ZDHHC21: variants seen among roughly 807,000 people sequenced by gnomAD.
ZDHHC21 encodes palmitoyltransferase ZDHHC21.
A neutral mutation model predicts 34.6 loss-of-function variants in ZDHHC21; 15 were observed. That is an observed-to-expected ratio of 0.43 (90% confidence interval 0.29 to 0.67). The LOEUF (loss-of-function observed/expected upper bound fraction) is 0.67, where lower values mean the gene tolerates loss of function less well. ZDHHC21 is among the 30% of genes least tolerant of loss of function. The pLI, the probability that ZDHHC21 is intolerant of heterozygous loss-of-function variation, is 0.14. For missense variants in ZDHHC21, 344 were observed against 327.7 expected, an observed-to-expected ratio of 1.05 and a Z score of -0.38; for synonymous variants, 142 against 101.8, an observed-to-expected ratio of 1.40 and a Z score of -2.38.
intron 5 of ZDHHC21, among the ~76,000 whole-genome samples, chr9:14,666,650 T>C (rs1834500503): frequency 9.2e-6 from 1 of 108,884 alleles, no homozygotes; most frequent in Admixed American, 9.0e-5. Flanking sequence ...ACAAACTGTC[T>C]CTCAGACCAC....
intron 6 of ZDHHC21, among the ~76,000 whole-genome samples, chr9:14,659,142 A>G (rs1230949773): frequency 2.0e-5 from 3 of 152,188 alleles, no homozygotes; most frequent in Non-Finnish European, 4.4e-5. Context: ...CGAGACAGGA[A>G]GAGCAGACGG....
At chr9:14,681,202 G>A (rs947181824) in intron 2 of ZDHHC21, among the ~76,000 whole-genome samples, 7 of 152,040 alleles carry the variant, frequency 4.6e-5, no homozygotes, top group South Asian at 2.1e-4. Flanking sequence ...CATATGACAC[G>A]TGATGATATT....
At chr9:14,659,973 T>A (rs13297952) in intron 6 of ZDHHC21, among the ~76,000 whole-genome samples, 64,462 of 151,620 alleles carry the variant, frequency 0.43, 13,809 homozygotes, top group African/African-American at 0.47. Context: ...TGAGAAACAA[T>A]GTCTATGATC....
chr9:14,614,649 T>C lies in ZDHHC21; in HGVS notation c.*4317A>G, dbSNP rs1212692336. On this transcript the variant is annotated 3_prime_UTR_variant, in exon 10 of 10. Coordinates refer to ENST00000380916, the MANE Select transcript of ZDHHC21 (RefSeq NM_178566.6). ...GATTTATAATAAATTCAGAGGATGA[T>C]TTCTAGAATAAAAGTTAACAAACTT... is the stretch of plus-strand genomic sequence containing the variant. 6.6e-6 allele frequency: 1 copy of C among 151,762 alleles called. No homozygotes were observed. The highest frequency in any genetic ancestry group is 1.9e-4 in the East Asian group (1 of 5,190). 9.4% of individuals were successfully genotyped at this position (151,762 alleles called of 1,614,324 possible).
chr9:14,602,963 T>C, the ZDHHC21 span, among the ~76,000 whole-genome samples: 2 of 144,862 alleles, frequency 1.4e-5, no homozygotes, highest in Non-Finnish European at 3.0e-5. Flanking sequence ...AAAGGGAGAA[T>C]TTCATTCATG....
At position 14,693,420 on chromosome 9, in the gene ZDHHC21, G is replaced by A. The variant is rs1238807175; in HGVS notation, c.-416C>T. The A allele has an allele frequency of 3.5e-6, 1 of 282,838 alleles. No individual in the cohort carries two copies. The highest frequency in any genetic ancestry group is 2.4e-5 in the African/African-American group (1 of 42,270). 17.5% of individuals were successfully genotyped at this position (282,838 alleles called of 1,614,324 possible). ...GTCCGCATGCCCGCGCGCCCGCGTG[G>A]GGAGGGACGACTGCCGCCGTCGCCG... On this transcript the variant is annotated 5_prime_UTR_variant, in exon 1 of 10. Transcript: ENST00000380916.
At chr9:14,631,034 A>G (rs1827252149) in intron 8 of ZDHHC21, among the ~76,000 whole-genome samples, 1 of 152,218 alleles carries the variant, frequency 6.6e-6, no homozygotes, top group Non-Finnish European at 1.5e-5. Context: ...AACCGTAACA[A>G]GAGAGTCAGT....
rs868555987 is a variant in ZDHHC21, at chr9:14,668,743, C to A, written c.253+4087G>T. Among the ~76,000 whole-genome samples, 424 of 131,818 alleles carry A rather than the reference C, an allele frequency of 3.2e-3. 1 individual carries two copies. The highest frequency in any genetic ancestry group is 0.011 in the African/African-American group (405 of 35,352). 86.5% of individuals were successfully genotyped at this position (131,818 alleles called of 152,430 possible). Reference sequence around the variant, plus strand: ...CTTTGACAAACCTGAGAAAAACAAGCAATGGGGAAAGGATTCCCTATTTAA... The same window carrying A: ...CTTTGACAAACCTGAGAAAAACAAGAAATGGGGAAAGGATTCCCTATTTAA... On this transcript the variant is annotated intron_variant, in intron 5 of 9. Transcript: ENST00000380916.
At chr9:14,686,513 CATTT>C (rs1230661967) in intron 2 of ZDHHC21, among the ~76,000 whole-genome samples, 1 of 152,176 alleles carries the variant, frequency 6.6e-6, no homozygotes, top group Admixed American at 6.5e-5. Flanking sequence ...TCCCTTTATA[CATTT>C]GTGGGGGGCA....
At chr9:14,630,617 G>C (rs753147605) in intron 8 of ZDHHC21, among the ~76,000 whole-genome samples, 1 of 152,154 alleles carries the variant, frequency 6.6e-6, no homozygotes, top group Non-Finnish European at 1.5e-5. Flanking sequence ...TCCATCAGAG[G>C]AATCACTGTC....
intron 2 of ZDHHC21, among the ~76,000 whole-genome samples, chr9:14,687,220 C>G (rs188600991): frequency 6.6e-6 from 1 of 150,632 alleles, no homozygotes; most frequent in Non-Finnish European, 1.5e-5. Flanking sequence ...GAGTCAAATC[C>G]CAGTCACTTG....
intron 8 of ZDHHC21, among the ~76,000 whole-genome samples, chr9:14,632,511 G>C (rs999428474): frequency 6.6e-6 from 1 of 151,292 alleles, no homozygotes; most frequent in African/African-American, 2.4e-5. Flanking sequence ...GAAAATATAG[G>C]AGTGAATTTT....
intron 2 of ZDHHC21, among the ~76,000 whole-genome samples, chr9:14,686,120 G>A: frequency 6.6e-6 from 1 of 151,878 alleles, no homozygotes; most frequent in Middle Eastern, 3.2e-3. Context: ...GAGTTAATGG[G>A]TGCAGCAAAT....
At chr9:14,671,414 C>G (rs1045455099) in intron 5 of ZDHHC21, among the ~76,000 whole-genome samples, 3 of 152,014 alleles carry the variant, frequency 2.0e-5, no homozygotes, top group Non-Finnish European at 4.4e-5. Flanking sequence ...AACAGAGATT[C>G]CCTAACAAGA....
At chr9:14,621,090 C>T (rs1490553777) in intron 8 of ZDHHC21, among the ~76,000 whole-genome samples, 1 of 151,962 alleles carries the variant, frequency 6.6e-6, no homozygotes, top group Non-Finnish European at 1.5e-5. Flanking sequence ...TTAATGGTTT[C>T]TTAGAGTTTT....
At chr9:14,605,366 A>T in the ZDHHC21 span, among the ~76,000 whole-genome samples, 2 of 151,736 alleles carry the variant, frequency 1.3e-5, no homozygotes, top group African/African-American at 2.4e-5. Flanking sequence ...CACCAACACT[A>T]TTTTTTTCAA....
intron 2 of ZDHHC21, among the ~76,000 whole-genome samples, chr9:14,683,942 G>C (rs576459529): frequency 6.6e-6 from 1 of 152,200 alleles, no homozygotes; most frequent in South Asian, 2.1e-4. Context: ...CAGAACCAAA[G>C]ACAAAAACCA....
At chr9:14,660,625 T>A (rs1341745794) in intron 6 of ZDHHC21, among the ~76,000 whole-genome samples, 1 of 152,150 alleles carries the variant, frequency 6.6e-6, no homozygotes, top group Non-Finnish European at 1.5e-5. Flanking sequence ...TTGTCTACTC[T>A]CCTTTCTGAT....
At chr9:14,655,807 C>T (rs1030323516) in intron 7 of ZDHHC21, among the ~76,000 whole-genome samples, 1 of 151,032 alleles carries the variant, frequency 6.6e-6, no homozygotes, top group Admixed American at 6.6e-5. Context: ...AGGAAAATGA[C>T]AAAATACCAG....
Sources: gnomAD v4.1 joint callset for allele counts (sites outside exome capture counted in the v4.1 genomes callset) on GRCh38, gnomAD v4.1.1 for gene constraint, MANE v1.5 for transcripts, NCBI Gene and HGNC (gene_info 2026-07-23, HGNC 2026-07-21) for gene names.